The following SHANK1 variants were observed in gnomAD, a reference collection of about 807,000 sequenced individuals.
SHANK1 encodes the protein SH3 and multiple ankyrin repeat domains 1, also known as SH3 and multiple ankyrin repeat domains protein 1.
Under a neutral mutation model 165.6 loss-of-function variants are expected in SHANK1, and 35 were observed. The ratio of observed to expected loss-of-function variants is 0.21; its 90% CI spans 0.16 to 0.28. The LOEUF is 0.28. SHANK1 is among the 10% of genes least tolerant of loss of function. The probability of loss-of-function intolerance (pLI) is 1.00; values close to 1 mark genes in which losing one functional copy is unlikely to be tolerated. For missense variants in SHANK1, 2,681 were observed against 3,036.4 expected (o/e 0.88, Z 2.75); for synonymous variants, 1,428 against 1,384.8 (o/e 1.03, Z -0.69).
At chr19:50,696,746 A>T (rs543700902) in intron 15 of SHANK1, among the ~76,000 whole-genome samples, 1 of 152,144 alleles carries the variant, frequency 6.6e-6, no homozygotes, top group Admixed American at 6.5e-5. Context: ...AGAGGGACGG[A>T]TGTGTGCAGA....
At chr19:50,706,783 T>A (rs776888824) in intron 8 of SHANK1, among the ~76,000 whole-genome samples, 7 of 152,076 alleles carry the variant, frequency 4.6e-5, no homozygotes, top group Non-Finnish European at 8.8e-5. Context: ...TATTTATTTT[T>A]AAAATTTTTT....
chr19:50,706,121 T>C (rs1254529124), intron 8 of SHANK1, among the ~76,000 whole-genome samples: 1 of 130,190 alleles, frequency 7.7e-6, no homozygotes, highest in East Asian at 2.4e-4. Flanking sequence ...TTCATGCCAC[T>C]GCACTCCAGT....
chr19:50,678,139 C>T (rs1040376677), intron 21 of SHANK1, among the ~76,000 whole-genome samples: 6 of 152,136 alleles, frequency 3.9e-5, no homozygotes, highest in African/African-American at 2.4e-5. Context: ...TGAAAGAGGC[C>T]GTGGATCAGA....
At position 50,688,832 on chromosome 19, in the gene SHANK1, G is replaced by C. The variant is rs745511368; in HGVS notation, c.2172+12C>G. 6.2e-7 allele frequency: 1 copy of C among 1,607,454 alleles called. No individual in the cohort carries two copies. The highest frequency in any genetic ancestry group is 1.7e-5 in the Admixed American group (1 of 59,344). ...CACAGGGTCCCAGGGAAGAGAGGGG[G>C]CCTGGACTGACCTCGATGAGGAAGT... On this transcript the variant is annotated intron_variant, in intron 17 of 23. Transcript: ENST00000293441. The surrounding 1 kb of genome is among the most constrained non-coding windows in gnomAD (Gnocchi z 6.7).
chr19:50,707,556 T>C (rs976300287), intron 8 of SHANK1, among the ~76,000 whole-genome samples: 95 of 124,976 alleles, frequency 7.6e-4, no homozygotes, highest in Admixed American at 7.5e-4. Flanking sequence ...AACCTGGCCT[T>C]CTTCTTCCTT....
At chr19:50,684,446 G>A (rs536987833) in intron 21 of SHANK1, among the ~76,000 whole-genome samples, 8 of 152,050 alleles carry the variant, frequency 5.3e-5, no homozygotes, top group Non-Finnish European at 1.2e-4. Flanking sequence ...GGCTGGTCTC[G>A]AACTCCTGAC....
Position 50,661,871 on chromosome 19 carries a change from G to T in SHANK1, c.*94C>A. The T allele has an allele frequency of 7.1e-7, 1 of 1,417,778 alleles. No homozygotes were observed. Among genetic ancestry groups the T allele is most frequent in the Non-Finnish European group, 9.8e-7 (1 of 1,019,592 alleles). The allele number at this position is 1,417,778 out of a possible 1,614,324, so 87.8% of individuals were successfully genotyped here. A position where few individuals can be genotyped will look rare whatever the true frequency, so the allele number is the denominator to read the frequency against. On this transcript the variant is annotated 3_prime_UTR_variant, in exon 24 of 24. Transcript: ENST00000293441. ...AGGGCGCAGTTTGAACAGAGTCCCT[G>T]GCCCGGGGAGAGAATGACAGTCAGG... is the stretch of plus-strand genomic sequence containing the variant.
At position 50,716,256 on chromosome 19, in the gene SHANK1, G is replaced by A; in HGVS notation, c.459+19C>T. 6.2e-7 allele frequency: 1 copy of A among 1,610,120 alleles called. No homozygotes were observed. The highest frequency in any genetic ancestry group is 8.5e-7 in the Non-Finnish European group (1 of 1,176,620). On this transcript the variant is annotated intron_variant, in intron 3 of 23. Transcript: ENST00000293441. This position sits in a 1 kb window ranked among gnomAD's most constrained non-coding sequence, Gnocchi z 8.4. ...GGGCATGCCTTCTCTTATCAGTGAA[G>A]GAGTTGGGGAAGCTTCACCTCCAGG... is the stretch of plus-strand genomic sequence containing the variant.
intron 15 of SHANK1, 117 bp downstream of exon 15, chr19:50,696,979 C>G: frequency 1.2e-6 from 1 of 837,876 alleles, no homozygotes; most frequent in South Asian, 1.5e-5. Flanking sequence ...CCTACAGAGA[C>G]ACACGTTCAC....
rs200615323 is a variant in SHANK1 at position 50,662,728 on chromosome 19, G to A, written c.5769-46C>T. The A allele has an allele frequency of 2.6e-5, 41 of 1,547,482 alleles. No homozygotes were observed. In the East Asian group the frequency reaches 9.2e-4, roughly 35 times the overall value. Reference sequence around the variant, plus strand: ...AGTGGGGGAGGACAGGGATTTAGGGGGCAAGGGCAGGGGTGAGAAAGAGGC... The same window carrying A: ...AGTGGGGGAGGACAGGGATTTAGGGAGCAAGGGCAGGGGTGAGAAAGAGGC... On this transcript the variant is annotated intron_variant, in intron 23 of 23. Coordinates refer to ENST00000293441, the MANE Select transcript of SHANK1 (RefSeq NM_016148.5). The surrounding 1 kb of genome is among the most constrained non-coding windows in gnomAD (Gnocchi z 7.7).
At position 50,668,289 on chromosome 19, in the gene SHANK1, G is replaced by A. The variant is rs1225811467; in HGVS notation, c.3671C>T (p.Ala1224Val). ...GAACTGGCTCGTGAAGTCCAGCGTG[G>A]CCGGGCCGCTGGGCGAGGCGGGGGT... ...VPTPASPSGP[A>V]TLDFTSQFGA... The change falls in exon 23 of 24, where the codon GCC (alanine) becomes GTC (valine). Residue 1224 changes from alanine (A) to valine (V), a missense_variant. Physicochemically the swap from Ala to Val is moderately conservative, Grantham distance 64 (BLOSUM62 0). This residue lies in a region of SHANK1 where 1,713 missense variants were observed against 1,630.2 expected (regional missense o/e 1.05). Coordinates refer to ENST00000293441, the MANE Select transcript of SHANK1 (RefSeq NM_016148.5). The A allele has an allele frequency of 2.3e-6, 3 of 1,317,080 alleles. No homozygotes were observed. The highest frequency in any genetic ancestry group is 4.0e-5 in the Admixed American group (1 of 25,116). 81.6% of individuals were successfully genotyped at this position (1,317,080 alleles called of 1,614,324 possible).
intron 3 of SHANK1, 117 bp from the exon 4 acceptor site, chr19:50,715,847 G>T: frequency 9.8e-7 from 1 of 1,019,830 alleles, no homozygotes; most frequent in Non-Finnish European, 1.5e-6. Flanking sequence ...GGTAGCTCAG[G>T]GTGGGAGTGA....
chr19:50,702,426 ACAGCCCAGCC>A lies in SHANK1; in HGVS notation c.1747+31_1747+40del. ...CTCCACATTTTCCCTGATCGCCCCC[ACAGCCCAGCC>A]CAGCCCAGGCCCTGCTTCCACCCTG... On this transcript the variant is annotated intron_variant, in intron 12 of 23. Transcript: ENST00000293441. The surrounding 1 kb of genome is among the most constrained non-coding windows in gnomAD (Gnocchi z 5.3). The A allele has an allele frequency of 6.4e-7, 1 of 1,554,956 alleles. No homozygotes were observed.
At position 50,697,037 on chromosome 19, in the gene SHANK1, C is replaced by CT; in HGVS notation, c.1964+58_1964+59insA. On this transcript the variant is annotated intron_variant, in intron 15 of 23. Coordinates refer to ENST00000293441, the MANE Select transcript of SHANK1 (RefSeq NM_016148.5). This position sits in a 1 kb window ranked among gnomAD's most constrained non-coding sequence, Gnocchi z 4.7. ...GTCGTGCACACACGTTCACACGCCC[C>CT]CCAGGCACCCCGTCCTTCCCCTCCT... 1 of 1,455,992 alleles carries CT rather than the reference C, an allele frequency of 6.9e-7. No individual in the cohort carries two copies. The highest frequency in any genetic ancestry group is 9.7e-7 in the Non-Finnish European group (1 of 1,035,908). 90.2% of individuals were successfully genotyped at this position (1,455,992 alleles called of 1,614,324 possible).
At position 50,670,117 on chromosome 19, in the gene SHANK1, C is replaced by T. The variant is rs185021239; in HGVS notation, c.2675-832G>A. On this transcript the variant is annotated intron_variant, in intron 22 of 23. Coordinates refer to ENST00000293441, the MANE Select transcript of SHANK1 (RefSeq NM_016148.5). The surrounding 1 kb of genome is among the most constrained non-coding windows in gnomAD (Gnocchi z 4.1). ...TACCCACACCCAGCTGGCTGTCTCA[C>T]GGGCATCTCAGACTCCAAACGCTCC... 2.0e-4 allele frequency among the ~76,000 whole-genome samples: 30 copies of T among 152,210 alleles called. No homozygotes were observed. The highest frequency in any genetic ancestry group is 5.8e-4 in the African/African-American group (24 of 41,520).
At position 50,672,092 on chromosome 19, in the gene SHANK1, C is replaced by T. The variant is rs372134754; in HGVS notation, c.2600G>A (p.Arg867His). ...ATESSFDPHH[R>H]AQPSYERPSF... ...AGGACGCTCGTAACTTGGCTGGGCA[C>T]GGTGGTGGGGATCGAAGCTCGACTT... Residue 867 changes from arginine to histidine, a missense_variant, in exon 22 of 24, where the codon CGT (arginine) becomes CAT (histidine). Arg to His is a conservative substitution (Grantham distance 29, BLOSUM62 0). Coordinates refer to ENST00000293441, the MANE Select transcript of SHANK1 (RefSeq NM_016148.5). 1.7e-5 allele frequency: 28 copies of T among 1,613,738 alleles called. No individual in the cohort carries two copies. Among genetic ancestry groups the T allele is most frequent in the African/African-American group, 8.0e-5 (6 of 74,984 alleles).
chr19:50,717,520 A>G lies in SHANK1; in HGVS notation c.-43-558T>C, dbSNP rs114461644. Among the ~76,000 whole-genome samples, 345 of 152,232 alleles carry G rather than the reference A, an allele frequency of 2.3e-3. 2 individuals are homozygous for G. Among genetic ancestry groups the G allele is most frequent in the African/African-American group, 8.2e-3 (342 of 41,550 alleles). ...TGGTGACTTCACTCAAGTGTGGCTG[A>G]CAACGCGTGGCATGCCGAATAGTGC... On this transcript the variant is annotated intron_variant, in intron 1 of 23. Coordinates refer to ENST00000293441, the MANE Select transcript of SHANK1 (RefSeq NM_016148.5). This position sits in a 1 kb window ranked among gnomAD's most constrained non-coding sequence, Gnocchi z 5.5.
intron 15 of SHANK1, among the ~76,000 whole-genome samples, 196 bp downstream of exon 15, chr19:50,696,900 C>T (rs1282933709): frequency 6.6e-6 from 1 of 152,154 alleles, no homozygotes; most frequent in Non-Finnish European, 1.5e-5. Context: ...GCAGGGCAGA[C>T]CCTCCAGCCC....
intron 8 of SHANK1, among the ~76,000 whole-genome samples, chr19:50,709,037 A>G (rs2088976844): frequency 1.3e-5 from 2 of 152,356 alleles, no homozygotes; most frequent in Admixed American, 1.3e-4. Flanking sequence ...AAGGGGGGAA[A>G]TGGAGGAATC....
Sources: allele counts gnomAD v4.1 joint callset (sites outside exome capture counted in the v4.1 genomes callset), GRCh38; gene constraint gnomAD v4.1.1; regional missense constraint gnomAD v4.1.1; non-coding constraint Gnocchi (gnomAD v3.1); transcripts MANE v1.5; gene names NCBI Gene and HGNC (gene_info 2026-07-23, HGNC 2026-07-21).